The following DLGAP2 variants were observed in gnomAD, a reference collection of about 807,000 sequenced individuals.
The protein encoded by DLGAP2 is DLG associated protein 2, also known as disks large-associated protein 2.
A neutral mutation model predicts 100.3 loss-of-function variants in DLGAP2; 26 were observed. The ratio of observed to expected loss-of-function variants is 0.26; its 90% CI spans 0.19 to 0.36. The LOEUF (loss-of-function observed/expected upper bound fraction) is 0.36, where lower values mean the gene tolerates loss of function less well. Ranked by LOEUF, DLGAP2 falls within the 10% of genes least tolerant of loss-of-function variation. The pLI is 1.00. For missense variants in DLGAP2, 1,858 were observed against 1,453.2 expected (o/e 1.28, Z -4.53); for synonymous variants, 886 against 630.1 (o/e 1.41, Z -6.08).
chr8:1,191,743 A>AT (rs1417655788), intron 2 of DLGAP2, among the ~76,000 whole-genome samples: 1 of 152,128 alleles, frequency 6.6e-6, no homozygotes, highest in East Asian at 1.9e-4. Flanking sequence ...TTACCCTCCT[A>AT]TTTTTATGTA....
intron 2 of DLGAP2, among the ~76,000 whole-genome samples, chr8:1,125,717 G>A (rs533419638): frequency 3.9e-5 from 6 of 152,284 alleles, no homozygotes; most frequent in Admixed American, 2.6e-4. Context: ...TTTCAGACTC[G>A]CAAGGTTTTA....
At chr8:797,165 G>A (rs945915552) in intron 1 of DLGAP2, among the ~76,000 whole-genome samples, 2 of 152,172 alleles carry the variant, frequency 1.3e-5, no homozygotes, top group Non-Finnish European at 2.9e-5. Context: ...CACCACCCAA[G>A]AAGAAGACGT....
intron 3 of DLGAP2, among the ~76,000 whole-genome samples, chr8:1,266,936 T>C (rs1799465052): frequency 4.6e-5 from 7 of 152,042 alleles, no homozygotes; most frequent in Admixed American, 4.6e-4. Flanking sequence ...TAATAGTTTG[T>C]ATTAAAAATA....
intron 6 of DLGAP2, among the ~76,000 whole-genome samples, chr8:1,588,738 T>TAA (rs11358700): frequency 0.039 from 3,576 of 91,268 alleles, 214 homozygotes; most frequent in East Asian, 0.33. Context: ...CTGTCTTTAC[T>TAA]AAAAAAAAAA....
intron 3 of DLGAP2, among the ~76,000 whole-genome samples, chr8:1,274,123 A>C (rs539260863): frequency 6.6e-6 from 1 of 152,042 alleles, no homozygotes; most frequent in African/African-American, 2.4e-5. Flanking sequence ...TTTTACATTT[A>C]TAGAAAATTT....
At chr8:924,600 T>C (rs1361757529) in intron 2 of DLGAP2, among the ~76,000 whole-genome samples, 1 of 152,080 alleles carries the variant, frequency 6.6e-6, no homozygotes, top group African/African-American at 2.4e-5. Context: ...TTCTTTCTTT[T>C]TGAGACGGAG....
intron 3 of DLGAP2, among the ~76,000 whole-genome samples, chr8:1,464,679 G>C (rs547333922): frequency 8.5e-5 from 13 of 152,256 alleles, no homozygotes; most frequent in Middle Eastern, 3.4e-3. Context: ...GAGCTGTCAG[G>C]GGCTGGAGAC....
chr8:852,497 G>C (rs536910567), intron 1 of DLGAP2, among the ~76,000 whole-genome samples: 9 of 152,218 alleles, frequency 5.9e-5, no homozygotes, highest in Non-Finnish European at 1.2e-4. Context: ...TTATTAGCTT[G>C]ATTTTACTCA....
chr8:1,369,159 G>C (rs370198652), intron 3 of DLGAP2: 15 of 152,252 alleles, frequency 9.9e-5, no homozygotes, highest in African/African-American at 3.6e-4. Flanking sequence ...GACAGCTTTT[G>C]ATCAAAGCTT....
chr8:986,549 TGA>T (rs1412662764), intron 2 of DLGAP2, among the ~76,000 whole-genome samples: 2 of 151,990 alleles, frequency 1.3e-5, no homozygotes, highest in African/African-American at 4.8e-5. Context: ...TTCCAATTAC[TGA>T]GAGAGAGAAA....
At chr8:1,570,622 G>T (rs1427275168) in intron 6 of DLGAP2, among the ~76,000 whole-genome samples, 1 of 152,248 alleles carries the variant, frequency 6.6e-6, no homozygotes, top group African/African-American at 2.4e-5. Context: ...GGCGTCTGCT[G>T]GGATGGAGAG....
At chr8:927,412 A>G (rs572910954) in intron 2 of DLGAP2, among the ~76,000 whole-genome samples, 3 of 152,212 alleles carry the variant, frequency 2.0e-5, no homozygotes, top group South Asian at 4.1e-4. Flanking sequence ...GGTCTACCTG[A>G]GCATACGCGG....
At chr8:1,475,816 C>G (rs192829585) in intron 3 of DLGAP2, among the ~76,000 whole-genome samples, 1 of 152,284 alleles carries the variant, frequency 6.6e-6, no homozygotes, top group East Asian at 1.9e-4. Context: ...TATAGGAGAT[C>G]ATTACTCTTT....
At chr8:1,199,137 A>G (rs1797815975) in intron 2 of DLGAP2, among the ~76,000 whole-genome samples, 1 of 152,226 alleles carries the variant, frequency 6.6e-6, no homozygotes, top group Non-Finnish European at 1.5e-5. Flanking sequence ...CACAACAACA[A>G]CCGCAGCAAC....
chr8:979,875 G>A (rs13255791), intron 2 of DLGAP2, among the ~76,000 whole-genome samples: 13,932 of 152,246 alleles, frequency 0.092, 1,097 homozygotes, highest in Admixed American at 0.25. Flanking sequence ...GGAAGTTTGC[G>A]GTTTCCTTGG....
At chr8:910,919 G>T (rs1798472169) in intron 2 of DLGAP2, among the ~76,000 whole-genome samples, 1 of 152,160 alleles carries the variant, frequency 6.6e-6, no homozygotes, top group African/African-American at 2.4e-5. Context: ...TTGGGCTGAA[G>T]GCGGGCCCAC....
rs565568915 is a variant in DLGAP2 at position 1,223,874 on chromosome 8, G to T, written c.74-34977G>T. ...TATTTATTGAGCATCTATATGTTCT[G>T]TTCTCTAGCAAACAATGTGTGAGAT... On this transcript the variant is annotated intron_variant, in intron 2 of 14. Transcript: ENST00000637795. Among the ~76,000 whole-genome samples the T allele has an allele frequency of 3.9e-4, 59 of 152,276 alleles. No individual in the cohort carries two copies. In the South Asian group the frequency reaches 0.011, roughly 29 times the overall value.
At chr8:1,691,163 G>T (rs1450197298) in intron 12 of DLGAP2, among the ~76,000 whole-genome samples, 1 of 152,180 alleles carries the variant, frequency 6.6e-6, no homozygotes, top group East Asian at 1.9e-4. Context: ...ATAAAAATAG[G>T]AAGAACTCGA....
chr8:1,222,747 C>A (rs1292368374), intron 2 of DLGAP2, among the ~76,000 whole-genome samples: 1 of 152,032 alleles, frequency 6.6e-6, no homozygotes, highest in Non-Finnish European at 1.5e-5. Context: ...ACGGGCTCTG[C>A]TGGTGAGAGG....
Sources: allele counts gnomAD v4.1 joint callset (sites outside exome capture counted in the v4.1 genomes callset), GRCh38; gene constraint gnomAD v4.1.1; transcripts MANE v1.5; gene names NCBI Gene and HGNC (gene_info 2026-07-23, HGNC 2026-07-21).